The following NCOA7 variants were observed in gnomAD, a reference collection of about 807,000 sequenced individuals.
The protein encoded by NCOA7 is 140 kDa estrogen receptor-associated protein.
In NCOA7, 45 loss-of-function variants were observed where a neutral mutation model predicts 104.3. That is an observed-to-expected ratio of 0.43 (90% CI 0.34 to 0.55). The LOEUF is 0.55. NCOA7 is among the 20% of genes least tolerant of loss of function. The probability of loss-of-function intolerance (pLI) is 0.02; values close to 1 mark genes in which losing one functional copy is unlikely to be tolerated. For synonymous variants in NCOA7, 398 were observed against 402.3 expected, an observed-to-expected ratio of 0.99 and a Z score of 0.13; for missense variants, 1,041 against 1,119.7, an observed-to-expected ratio of 0.93 and a Z score of 1.00.
chr6:125,906,850 C>A (rs1326966374), intron 10 of NCOA7, among the ~76,000 whole-genome samples: 1 of 152,140 alleles, frequency 6.6e-6, no homozygotes, highest in Non-Finnish European at 1.5e-5. Flanking sequence ...ATGAAAAGAA[C>A]ATTCCAATAA....
chr6:125,886,565 T>C (rs1784279645), intron 8 of NCOA7, among the ~76,000 whole-genome samples: 1 of 152,220 alleles, frequency 6.6e-6, no homozygotes, highest in African/African-American at 2.4e-5. Flanking sequence ...GAGTTAAGAA[T>C]CAGCTTCTAA....
intron 1 of NCOA7, among the ~76,000 whole-genome samples, chr6:125,807,910 A>G (rs1056932175): frequency 1.7e-4 from 26 of 152,250 alleles, no homozygotes; most frequent in Non-Finnish European, 7.3e-5. Flanking sequence ...TCATTTAATC[A>G]TATAAACATC....
intron 7 of NCOA7, among the ~76,000 whole-genome samples, chr6:125,883,832 G>A (rs1752855527): frequency 6.7e-6 from 1 of 148,908 alleles, no homozygotes; most frequent in Non-Finnish European, 1.5e-5. Context: ...CGATTCCCCT[G>A]TCTCAGCCTC....
At chr6:125,869,794 C>T (rs114583992) in intron 3 of NCOA7, among the ~76,000 whole-genome samples, 1,696 of 152,314 alleles carry the variant, frequency 0.011, 31 homozygotes, top group African/African-American at 0.039. Context: ...CAAAGTAGCC[C>T]ACTTCCAAGA....
chr6:125,807,119 T>A (rs1348145438), intron 1 of NCOA7, among the ~76,000 whole-genome samples: 1 of 152,176 alleles, frequency 6.6e-6, no homozygotes. Flanking sequence ...CCTCTCTCCC[T>A]CCATATCTAA....
chr6:125,838,124 AT>A (rs965144740), intron 2 of NCOA7, among the ~76,000 whole-genome samples: 21 of 151,656 alleles, frequency 1.4e-4, no homozygotes, highest in African/African-American at 4.4e-4. Flanking sequence ...GAAGCATACA[AT>A]TTTTTTTTAA....
intron 2 of NCOA7, among the ~76,000 whole-genome samples, chr6:125,837,585 A>T (rs1329998060): frequency 6.6e-6 from 1 of 151,828 alleles, no homozygotes; most frequent in Non-Finnish European, 1.5e-5. Context: ...TCATGTCCTT[A>T]CCTTTTCCCC....
At chr6:125,911,401 G>C (rs1786538726) in intron 10 of NCOA7, among the ~76,000 whole-genome samples, 1 of 152,108 alleles carries the variant, frequency 6.6e-6, no homozygotes, top group Non-Finnish European at 1.5e-5. Flanking sequence ...CATTATTACT[G>C]TCATTATTAC....
intron 10 of NCOA7, among the ~76,000 whole-genome samples, chr6:125,893,130 A>G (rs1228869801): frequency 6.6e-6 from 1 of 152,180 alleles, no homozygotes; most frequent in Non-Finnish European, 1.5e-5. Flanking sequence ...TTCTCACTTC[A>G]GTTATAATTT....
chr6:125,841,073 A>T (rs1425538156), intron 2 of NCOA7, among the ~76,000 whole-genome samples: 2 of 150,344 alleles, frequency 1.3e-5, no homozygotes, highest in Non-Finnish European at 3.0e-5. Flanking sequence ...TTGTAGTTTT[A>T]GTAGAGACAG....
intron 11 of NCOA7, chr6:125,919,202 C>T (rs1395350501): frequency 1.9e-6 from 3 of 1,555,390 alleles, no homozygotes; most frequent in South Asian, 2.4e-5. Flanking sequence ...GTTGAAACTT[C>T]TCCTGAGGGA....
rs1487200281 is a variant in NCOA7 at position 125,881,178 on chromosome 6, C to T, written c.548C>T (p.Ser183Leu). The T allele has an allele frequency of 6.2e-7, 1 of 1,612,702 alleles. No homozygotes were observed. The highest frequency in any genetic ancestry group is 1.3e-5 in the African/African-American group (1 of 75,000). ...GGTGCTACTGTCTCTCCTTCATCAT[C>T]AGATGCAGAATATGATAAATTGCCT... ...SPGATVSPSS[S>L]DAEYDKLPDA... The change falls in exon 6 of 16, where the codon TCA (serine) becomes TTA (leucine). Residue 183 changes from serine (S) to leucine (L), a missense_variant. This residue lies in a region of NCOA7 where 914 missense variants were observed against 942.7 expected (regional missense o/e 0.97). Transcript: ENST00000392477.
At chr6:125,829,053 A>G (rs916930542) in intron 2 of NCOA7, among the ~76,000 whole-genome samples, 2 of 152,150 alleles carry the variant, frequency 1.3e-5, no homozygotes, top group African/African-American at 2.4e-5. Flanking sequence ...CTTCCATAAG[A>G]GAATTTTTTA....
chr6:125,816,029 T>C (rs1207171677), intron 2 of NCOA7, among the ~76,000 whole-genome samples: 1 of 152,220 alleles, frequency 6.6e-6, no homozygotes, highest in Admixed American at 6.5e-5. Flanking sequence ...TTGTAAAACA[T>C]TTTGATAAGC....
chr6:125,787,762 G>A (rs1774537968), upstream of NCOA7, among the ~76,000 whole-genome samples: 1 of 152,204 alleles, frequency 6.6e-6, no homozygotes, highest in Non-Finnish European at 1.5e-5. Flanking sequence ...GCCAAGAACA[G>A]TGAAAAGTGT....
chr6:125,786,872 C>T (rs990324603), upstream of NCOA7, among the ~76,000 whole-genome samples: 90 of 152,226 alleles, frequency 5.9e-4, no homozygotes, highest in Admixed American at 2.4e-3. Context: ...ATAGGCCAGG[C>T]GCAGGGGCTC....
At chr6:125,897,117 A>G (rs1785091836) in intron 10 of NCOA7, among the ~76,000 whole-genome samples, 1 of 152,246 alleles carries the variant, frequency 6.6e-6, no homozygotes, top group Non-Finnish European at 1.5e-5. Context: ...ATACATGCGC[A>G]CACAGGTATC....
intron 8 of NCOA7, among the ~76,000 whole-genome samples, chr6:125,888,098 C>T (rs1027270476): frequency 2.6e-5 from 4 of 151,892 alleles, no homozygotes; most frequent in South Asian, 2.1e-4. Flanking sequence ...CATGTAATTC[C>T]GATCTGGGAA....
At chr6:125,826,323 T>C (rs1296745475) in intron 2 of NCOA7, among the ~76,000 whole-genome samples, 1 of 146,094 alleles carries the variant, frequency 6.8e-6, no homozygotes, top group Non-Finnish European at 1.5e-5. Context: ...AGAGCAAGAC[T>C]CCGTCTCTAA....
Sources: gnomAD v4.1 joint callset for allele counts (sites outside exome capture counted in the v4.1 genomes callset) on GRCh38, gnomAD v4.1.1 for gene constraint, gnomAD v4.1.1 regional missense constraint, MANE v1.5 for transcripts, NCBI Gene and HGNC (gene_info 2026-07-23, HGNC 2026-07-21) for gene names.